The following DLG2 variants were observed in gnomAD, a reference collection of about 807,000 sequenced individuals.
DLG2 encodes disks large homolog 2.
Under a neutral mutation model 132.5 loss-of-function variants are expected in DLG2, and 45 were observed. The observed-to-expected ratio is 0.34, with a 90% CI of 0.27 to 0.44. The LOEUF (loss-of-function observed/expected upper bound fraction) is 0.44, where lower values mean the gene tolerates loss of function less well. Among genes scored for constraint, DLG2 ranks in the 20% least tolerant of loss-of-function variants. DLG2 has a pLI of 1.00. For synonymous variants in DLG2, 424 were observed against 419.6 expected (o/e 1.01, Z -0.13); for missense variants, 1,045 against 1,196.9 (o/e 0.87, Z 1.87).
At chr11:84,679,328 TAGAG>T (rs762692925) in intron 6 of DLG2, among the ~76,000 whole-genome samples, 12 of 152,046 alleles carry the variant, frequency 7.9e-5, no homozygotes, top group Non-Finnish European at 1.5e-4. Context: ...TGTCAATATA[TAGAG>T]ATTTTCAGGA....
intron 21 of DLG2, among the ~76,000 whole-genome samples, chr11:83,503,211 C>T (rs981935318): frequency 2.0e-5 from 3 of 150,858 alleles, no homozygotes; most frequent in African/African-American, 4.9e-5. Context: ...TTAAATAGAC[C>T]ATTATTCACC....
At chr11:85,103,555 T>C (rs551610848) in intron 6 of DLG2, among the ~76,000 whole-genome samples, 1 of 151,994 alleles carries the variant, frequency 6.6e-6, no homozygotes, top group East Asian at 1.9e-4. Context: ...TATCCATATA[T>C]ACTATATAGA....
intron 18 of DLG2, among the ~76,000 whole-genome samples, chr11:83,722,567 G>C (rs1194766737): frequency 6.6e-6 from 1 of 152,130 alleles, no homozygotes; most frequent in Non-Finnish European, 1.5e-5. Context: ...GCGGGGTGGG[G>C]AGTGACTCCA....
chr11:83,713,522 C>A (rs143683525), intron 18 of DLG2, among the ~76,000 whole-genome samples: 1 of 151,982 alleles, frequency 6.6e-6, no homozygotes, highest in African/African-American at 2.4e-5. Flanking sequence ...AATGAGATGA[C>A]GATGAAAACC....
intron 4 of DLG2, among the ~76,000 whole-genome samples, chr11:85,267,430 C>T (rs149503887): frequency 3.3e-5 from 5 of 152,272 alleles, no homozygotes; most frequent in East Asian, 1.9e-4. Flanking sequence ...CATGGGTGTA[C>T]GCCTGTCTTT....
intron 8 of DLG2, among the ~76,000 whole-genome samples, chr11:84,236,049 T>TA (rs55876762): frequency 0.65 from 92,809 of 143,244 alleles, 30,651 homozygotes; most frequent in South Asian, 0.79. Flanking sequence ...TCCATTTTAT[T>TA]AAAAAAAAAA....
At chr11:84,233,055 G>A (rs772733424) in intron 8 of DLG2, among the ~76,000 whole-genome samples, 2 of 152,208 alleles carry the variant, frequency 1.3e-5, no homozygotes, top group South Asian at 2.1e-4. Context: ...AGTTTCCTTA[G>A]CTAAAAAACG....
intron 12 of DLG2, 151 bp from the exon 13 acceptor site, chr11:83,965,619 G>A: frequency 1.6e-6 from 1 of 629,402 alleles, no homozygotes; most frequent in East Asian, 3.0e-5. Context: ...AGTCAAAGCA[G>A]ATAAGTACAA....
intron 3 of DLG2, among the ~76,000 whole-genome samples, chr11:85,290,579 A>G (rs1278512301): frequency 6.6e-6 from 1 of 152,058 alleles, no homozygotes; most frequent in Non-Finnish European, 1.5e-5. Context: ...CCCATAATAG[A>G]AGGAAGATGG....
chr11:83,808,002 G>T (rs547640454), intron 17 of DLG2, among the ~76,000 whole-genome samples: 197 of 152,240 alleles, frequency 1.3e-3, no homozygotes, highest in Non-Finnish European at 2.3e-3. Context: ...GTTGCTATGT[G>T]CTTCCAAATC....
At chr11:84,614,806 A>G (rs1158028166) in intron 6 of DLG2, among the ~76,000 whole-genome samples, 6 of 152,102 alleles carry the variant, frequency 3.9e-5, no homozygotes, top group African/African-American at 1.4e-4. Flanking sequence ...GATTACCGTT[A>G]TTTTGTCTTG....
chr11:84,744,505 C>T (rs1051633340), intron 6 of DLG2, among the ~76,000 whole-genome samples: 2 of 152,126 alleles, frequency 1.3e-5, no homozygotes, highest in African/African-American at 4.8e-5. Context: ...TCAGTTCTGA[C>T]TGCACTAATT....
intron 3 of DLG2, among the ~76,000 whole-genome samples, chr11:85,498,415 C>A (rs1360341324): frequency 3.3e-5 from 5 of 152,276 alleles, no homozygotes. Flanking sequence ...TACAGGAGCA[C>A]CCAGATTCAT....
intron 17 of DLG2, among the ~76,000 whole-genome samples, chr11:83,794,654 T>G (rs2042359181): frequency 6.6e-6 from 1 of 152,112 alleles, no homozygotes; most frequent in Non-Finnish European, 1.5e-5. Context: ...CAGAGATAGT[T>G]ATATATTATT....
chr11:85,110,833 C>T (rs1037829069), intron 6 of DLG2, among the ~76,000 whole-genome samples: 3 of 152,094 alleles, frequency 2.0e-5, no homozygotes, highest in African/African-American at 7.2e-5. Context: ...CCATTGCCTA[C>T]AAGGGGAGTC....
At chr11:84,419,129 C>T (rs141547743) in intron 7 of DLG2, among the ~76,000 whole-genome samples, 26 of 151,194 alleles carry the variant, frequency 1.7e-4, no homozygotes, top group Admixed American at 6.6e-4. Flanking sequence ...AAAGAGAAGG[C>T]GAGAGGGAGA....
At chr11:83,731,332 C>T (rs560618448) in intron 18 of DLG2, among the ~76,000 whole-genome samples, 1 of 152,302 alleles carries the variant, frequency 6.6e-6, no homozygotes, top group South Asian at 2.1e-4. Context: ...GTTCCCCTCC[C>T]TGTGTCCATG....
intron 4 of DLG2, among the ~76,000 whole-genome samples, chr11:85,163,135 C>T (rs1423914315): frequency 6.6e-6 from 1 of 152,120 alleles, no homozygotes; most frequent in African/African-American, 2.4e-5. Context: ...ACTGGCTTTC[C>T]TGTAGACAAC....
intron 3 of DLG2, among the ~76,000 whole-genome samples, chr11:85,473,786 A>T (rs999833879): frequency 6.6e-6 from 1 of 152,118 alleles, no homozygotes; most frequent in Non-Finnish European, 1.5e-5. Flanking sequence ...TCAAATATGC[A>T]TGTTAAAAAT....
Sources: allele counts gnomAD v4.1 joint callset (sites outside exome capture counted in the v4.1 genomes callset), GRCh38; gene constraint gnomAD v4.1.1; transcripts MANE v1.5; gene names NCBI Gene and HGNC (gene_info 2026-07-23, HGNC 2026-07-21).